PLEKHG3: variants seen among roughly 807,000 people sequenced by gnomAD.
PLEKHG3 encodes the protein pleckstrin homology domain-containing family G member 3.
PLEKHG3 carries 62 observed loss-of-function variants against 94.9 expected under a neutral mutation model. That is an observed-to-expected ratio of 0.65 (90% confidence interval 0.53 to 0.81). The LOEUF (loss-of-function observed/expected upper bound fraction) is 0.81. Ranked by LOEUF, PLEKHG3 falls within the 30% of genes least tolerant of loss-of-function variation. PLEKHG3 has a pLI of 0.00. For missense variants in PLEKHG3, 1,461 were observed against 1,619.3 expected, an observed-to-expected ratio of 0.90 and a Z score of 1.68; for synonymous variants, 614 against 654.0, an observed-to-expected ratio of 0.94 and a Z score of 0.93.
rs971365103 is a variant in PLEKHG3, at chr14:64,723,436, A to T, written c.-39-4157A>T. Among the ~76,000 whole-genome samples the T allele has an allele frequency of 4.6e-5, 7 of 152,190 alleles. No individual in the cohort carries two copies. The highest frequency in any genetic ancestry group is 3.9e-4 in the Admixed American group (6 of 15,286). On this transcript the variant is annotated intron_variant, in intron 1 of 16. Transcript: ENST00000247226. This position sits in a 1 kb window ranked among gnomAD's most constrained non-coding sequence, Gnocchi z 4.5. ...CAGAGGGAGACCCTGCCTCAAAAAA[A>T]GAGAAAAGTCTTTGGGGACCTGCTC...
chr14:64,732,136 C>G lies in PLEKHG3; in HGVS notation c.1167C>G (p.Ile389Met), dbSNP rs766246240. 3.7e-6 allele frequency: 6 copies of G among 1,614,066 alleles called. No individual in the cohort carries two copies. The South Asian group carries it at 5.5e-5, about 15-fold the overall frequency. ...VEEKRNWTHH[I>M]KRLILENHHA... ...AGAAACGGAACTGGACTCACCACAT[C>G]AAGAGGCTCATCCTAGAGAACCACC... Residue 389 changes from isoleucine (I) to methionine (M), a missense_variant, in exon 10 of 17, where the codon ATC (isoleucine) becomes ATG (methionine). Transcript: ENST00000247226. This position sits in a 1 kb window ranked among gnomAD's most constrained non-coding sequence, Gnocchi z 4.9.
Position 64,731,863 on chromosome 14 carries a change from G to T in PLEKHG3, c.1125+57G>T, listed in dbSNP as rs888253637. On this transcript the variant is annotated intron_variant, in intron 9 of 16. Transcript: ENST00000247226. The surrounding 1 kb of genome is among the most constrained non-coding windows in gnomAD (Gnocchi z 6.1). ...AACAAGATGCCCAGGGGACACCTGC[G>T]TGGGACTCCTGGCTCCTCTGCTCAC... The T allele has an allele frequency of 3.9e-5, 49 of 1,257,978 alleles. 1 individual carries two copies. The highest frequency in any genetic ancestry group is 3.7e-4 in the Middle Eastern group (2 of 5,380). The allele number at this position is 1,257,978 out of a possible 1,614,324, so 77.9% of individuals were successfully genotyped here.
rs1385167368 is a variant in PLEKHG3, at chr14:64,716,054, C to T, written c.-40+11350C>T. ...ATGCGGCTGCCCGGCCCCTCGCCAC[C>T]CTCGTGGTGCCCGGATGGGAGCTCT... On this transcript the variant is annotated intron_variant, in intron 1 of 16. Transcript: ENST00000247226. The surrounding 1 kb of genome is among the most constrained non-coding windows in gnomAD (Gnocchi z 5.0). 1 of 456,356 alleles carries T rather than the reference C, an allele frequency of 2.2e-6. No individual in the cohort carries two copies. The highest frequency in any genetic ancestry group is 4.4e-6 in the Non-Finnish European group (1 of 226,764). The allele number at this position is 456,356 out of a possible 1,614,324, so 28.3% of individuals were successfully genotyped here.
rs2081446027 is a variant in PLEKHG3 at position 64,730,895 on chromosome 14, C to G, written c.663C>G (p.Gly221=). Residue 221 remains glycine (G), a synonymous_variant, in exon 6 of 17, where the codon GGC becomes GGG. Coordinates refer to ENST00000247226, the MANE Select transcript of PLEKHG3 (RefSeq NM_001308147.2). The surrounding 1 kb of genome is among the most constrained non-coding windows in gnomAD (Gnocchi z 5.4). ...TGCTACAGCACTCGCTGCCCTTGGG[C>G]TCCTACCTGCTGAAGCCAGTCCAGC... is the stretch of plus-strand genomic sequence containing the variant. The part of the protein sequence containing the change: ...QELLQHSLPL[G]SYLLKPVQRI... The G allele has an allele frequency of 1.2e-6, 2 of 1,613,048 alleles. No homozygotes were observed. Among genetic ancestry groups the G allele is most frequent in the Admixed American group, 1.7e-5 (1 of 59,994 alleles).
Position 64,750,088 on chromosome 14 carries a change from G to T in PLEKHG3, c.*6385G>T. On this transcript the variant is annotated 3_prime_UTR_variant, in exon 17 of 17. Transcript: ENST00000247226. ...CATGGTAGGGCATCCCCAGGGCCAG[G>T]TTCTTGGCATCCTTGTAGAAGGTTA... The T allele has an allele frequency of 6.2e-7, 1 of 1,614,210 alleles. No homozygotes were observed. Among genetic ancestry groups the T allele is most frequent in the Non-Finnish European group, 8.5e-7 (1 of 1,180,032 alleles).
Position 64,715,852 on chromosome 14 carries a change from A to G in PLEKHG3, c.-40+11148A>G. 2 of 344,252 alleles carry G rather than the reference A, an allele frequency of 5.8e-6. No homozygotes were observed. Among genetic ancestry groups the G allele is most frequent in the South Asian group, 4.2e-5 (2 of 48,072 alleles). 21.3% of individuals were successfully genotyped at this position (344,252 alleles called of 1,614,324 possible). A position where few individuals can be genotyped will look rare whatever the true frequency, so the allele number is the denominator to read the frequency against. Reference sequence around the variant, plus strand: ...ATTTCCTGGGCTAGGGCCCCCCAGCAATCAGGAATGAGAGAAATGCAGAAA... The same window carrying G: ...ATTTCCTGGGCTAGGGCCCCCCAGCGATCAGGAATGAGAGAAATGCAGAAA... On this transcript the variant is annotated intron_variant, in intron 1 of 16. Coordinates refer to ENST00000247226, the MANE Select transcript of PLEKHG3 (RefSeq NM_001308147.2). The surrounding 1 kb of genome is among the most constrained non-coding windows in gnomAD (Gnocchi z 4.4).
rs773780096 is a variant in PLEKHG3 at position 64,743,216 on chromosome 14, C to T, written c.3173C>T (p.Ala1058Val). ...PDVRELCSKY[A>V]SRDEARRAGG... The stretch of plus-strand genomic sequence containing the variant: ...GTCCGTGAGCTCTGCTCCAAGTATG[C>T]CTCCCGCGATGAGGCACGCCGAGCA... The change falls in exon 17 of 17, where the codon GCC becomes GTC. Residue 1058 changes from alanine to valine, a missense_variant. Ala to Val is a moderately conservative substitution (Grantham distance 64). Transcript: ENST00000247226. The surrounding 1 kb of genome is among the most constrained non-coding windows in gnomAD (Gnocchi z 7.2). The T allele has an allele frequency of 1.2e-5, 20 of 1,609,196 alleles. No homozygotes were observed. The highest frequency in any genetic ancestry group is 1.4e-5 in the Non-Finnish European group (16 of 1,179,702).
In PLEKHG3 at chr14:64,739,498, G is replaced by T. The variant is rs1025046371; in HGVS notation, c.1518+643G>T. Among the ~76,000 whole-genome samples the T allele has an allele frequency of 1.3e-5, 2 of 152,178 alleles. No individual in the cohort carries two copies. Among genetic ancestry groups the T allele is most frequent in the Admixed American group, 1.3e-4 (2 of 15,284 alleles). On this transcript the variant is annotated intron_variant, in intron 15 of 16. Transcript: ENST00000247226. This position sits in a 1 kb window ranked among gnomAD's most constrained non-coding sequence, Gnocchi z 4.1. ...TTCCCAAAGTTATAAGGGAAAGATCGTGAGCTACAGCCTGGACCCCATGTT... is the reference window on the plus strand; with the variant it reads ...TTCCCAAAGTTATAAGGGAAAGATCTTGAGCTACAGCCTGGACCCCATGTT...
chr14:64,747,074 C>T lies in PLEKHG3; in HGVS notation c.*3371C>T, dbSNP rs897697214. ...GAATGGTCACATGCAGCTGGCTGCC[C>T]TGGACCAGGCCAGGGGACCTGGGGT... On this transcript the variant is annotated 3_prime_UTR_variant, in exon 17 of 17. Coordinates refer to ENST00000247226, the MANE Select transcript of PLEKHG3 (RefSeq NM_001308147.2). 6.6e-6 allele frequency: 1 copy of T among 152,630 alleles called. No homozygotes were observed. Among genetic ancestry groups the T allele is most frequent in the Non-Finnish European group, 1.5e-5 (1 of 68,080 alleles). 9.5% of individuals were successfully genotyped at this position (152,630 alleles called of 1,614,324 possible).
Position 64,717,995 on chromosome 14 carries a change from G to C in PLEKHG3, c.-39-9598G>C, listed in dbSNP as rs1397180567. ...GGCCTGCCTTGCAGCCTGGCCTCTT[G>C]TTGCCAGTTGCCCGGGGCGTGGGGG... On this transcript the variant is annotated intron_variant, in intron 1 of 16. Coordinates refer to ENST00000247226, the MANE Select transcript of PLEKHG3 (RefSeq NM_001308147.2). This position sits in a 1 kb window ranked among gnomAD's most constrained non-coding sequence, Gnocchi z 4.7. Among the ~76,000 whole-genome samples, 2 of 152,236 alleles carry C rather than the reference G, an allele frequency of 1.3e-5. No individual in the cohort carries two copies. Among genetic ancestry groups the C allele is most frequent in the Admixed American group, 1.3e-4 (2 of 15,282 alleles).
rs1289807288 is a variant in PLEKHG3 at position 64,748,439 on chromosome 14, G to C, written c.*4736G>C. ...ATTGAGAGGGAGAGCCTTAGGCAGT[G>C]TTGTGACGCACCTGTCACTCCTTCA... On this transcript the variant is annotated 3_prime_UTR_variant, in exon 17 of 17. Transcript: ENST00000247226. 2.0e-5 allele frequency: 3 copies of C among 152,288 alleles called. No homozygotes were observed. The highest frequency in any genetic ancestry group is 2.9e-5 in the Non-Finnish European group (2 of 68,126). 9.4% of individuals were successfully genotyped at this position (152,288 alleles called of 1,614,324 possible).
rs2081757413 is a variant in PLEKHG3 at position 64,743,290 on chromosome 14, C to A, written c.3247C>A (p.Pro1083Thr). 6.2e-7 allele frequency: 1 copy of A among 1,607,888 alleles called. No homozygotes were observed. Among genetic ancestry groups the A allele is most frequent in the Admixed American group, 1.7e-5 (1 of 59,844 alleles). Reference sequence around the variant, plus strand: ...ACCCGTCAACAGGAGCCACTCGGTGCCGGAGAACATGGTAGAGCCACCTCT... The same window carrying A: ...ACCCGTCAACAGGAGCCACTCGGTGACGGAGAACATGGTAGAGCCACCTCT... Reference protein sequence around the residue: ...GPPVNRSHSVPENMVEPPLSG... With the variant: ...GPPVNRSHSVTENMVEPPLSG... The change falls in exon 17 of 17, where the codon CCG (proline) becomes ACG (threonine). Residue 1083 changes from proline to threonine, a missense_variant. Transcript: ENST00000247226. The surrounding 1 kb of genome is among the most constrained non-coding windows in gnomAD (Gnocchi z 7.2).
In PLEKHG3 at chr14:64,730,659, C is replaced by T; in HGVS notation, c.537C>T (p.Ile179=). Residue 179 remains isoleucine (I), a synonymous_variant, in exon 5 of 17, where the codon ATC becomes ATT. Transcript: ENST00000247226. This position sits in a 1 kb window ranked among gnomAD's most constrained non-coding sequence, Gnocchi z 5.4. ...CFVERSQEFD[I]YTQYCNNYPN... ...CTTCTTAGAGCCAAGAGTTTGATATCTACACTCAGTATTGCAACAATTACC... is the reference window on the plus strand; with the variant it reads ...CTTCTTAGAGCCAAGAGTTTGATATTTACACTCAGTATTGCAACAATTACC... The T allele has an allele frequency of 6.2e-7, 1 of 1,612,860 alleles. No homozygotes were observed. Among genetic ancestry groups the T allele is most frequent in the Non-Finnish European group, 8.5e-7 (1 of 1,178,858 alleles).
rs1555359440 is a variant in PLEKHG3 at position 64,716,496 on chromosome 14, A to ACCACACACACAC, written c.-39-11097_-39-11096insCCACACACACAC. Among the ~76,000 whole-genome samples, 1 of 79,498 alleles carries ACCACACACACAC rather than the reference A, an allele frequency of 1.3e-5. No individual in the cohort carries two copies. The highest frequency in any genetic ancestry group is 5.1e-5 in the African/African-American group (1 of 19,598). 52.2% of individuals were successfully genotyped at this position (79,498 alleles called of 152,430 possible). A position where few individuals can be genotyped will look rare whatever the true frequency, so the allele number is the denominator to read the frequency against. ...ACACACACACAACACACACACACAC[A>ACCACACACACAC]ACACACACACACACACACACACACA... is the stretch of plus-strand genomic sequence containing the variant. On this transcript the variant is annotated intron_variant, in intron 1 of 16. Coordinates refer to ENST00000247226, the MANE Select transcript of PLEKHG3 (RefSeq NM_001308147.2). The surrounding 1 kb of genome is among the most constrained non-coding windows in gnomAD (Gnocchi z 5.0).
Position 64,739,215 on chromosome 14 carries a change from T to A in PLEKHG3, c.1518+360T>A, listed in dbSNP as rs2081636339. Among the ~76,000 whole-genome samples the A allele has an allele frequency of 6.6e-6, 1 of 152,196 alleles. No individual in the cohort carries two copies. The highest frequency in any genetic ancestry group is 1.5e-5 in the Non-Finnish European group (1 of 68,030). ...GCATGCCAGACATTGAAATCACACC[T>A]GTGGTCACCTGGGCAAAGGGTAGAG... On this transcript the variant is annotated intron_variant, in intron 15 of 16. Coordinates refer to ENST00000247226, the MANE Select transcript of PLEKHG3 (RefSeq NM_001308147.2). This position sits in a 1 kb window ranked among gnomAD's most constrained non-coding sequence, Gnocchi z 4.1.
At position 64,741,295 on chromosome 14, in the gene PLEKHG3, T is replaced by C. The variant is rs1274562302; in HGVS notation, c.1778T>C (p.Leu593Pro). Reference protein sequence around the residue: ...MGGAAQEPESLLPPSVLDQAS... With the variant: ...MGGAAQEPESPLPPSVLDQAS... ...GGTGCCGCCCAGGAGCCTGAGAGCC[T>C]TCTGCCACCCTCTGTGCTGGACCAG... is the stretch of plus-strand genomic sequence containing the variant. The change falls in exon 16 of 17, where the codon CTT becomes CCT. Residue 593 changes from leucine (L) to proline (P), a missense_variant. Leu to Pro is a moderately conservative substitution (Grantham distance 98). Around this residue, in one of 3 missense-constraint regions of PLEKHG3, gnomAD observed 1,201 missense variants for 1,295.5 expected, o/e 0.93. Transcript: ENST00000247226. The C allele has an allele frequency of 6.2e-7, 1 of 1,613,674 alleles. No individual in the cohort carries two copies. Among genetic ancestry groups the C allele is most frequent in the Non-Finnish European group, 8.5e-7 (1 of 1,180,034 alleles).
At chr14:64,737,523 G>T (rs2081595131) in intron 14 of PLEKHG3, 148 bp downstream of exon 14, 2 of 630,638 alleles carry the variant, frequency 3.2e-6, no homozygotes, top group Non-Finnish European at 5.6e-6. Flanking sequence ...GTGGCTTAGG[G>T]CCACAGAGAT....
intron 1 of PLEKHG3, among the ~76,000 whole-genome samples, chr14:64,705,991 G>A (rs1273536096): frequency 2.3e-4 from 35 of 152,184 alleles, no homozygotes; most frequent in Non-Finnish European, 1.5e-4. Context: ...TAGCTCCCTG[G>A]GTAACTTGCC....
intron 13 of PLEKHG3, 125 bp downstream of exon 13, chr14:64,737,016 C>CAGAATAG: frequency 1.3e-6 from 1 of 793,568 alleles, no homozygotes; most frequent in East Asian, 2.6e-5. Context: ...AGAGGGAACT[C>CAGAATAG]TGCCTCCATT....
Sources: allele counts gnomAD v4.1 joint callset (sites outside exome capture counted in the v4.1 genomes callset), GRCh38; gene constraint gnomAD v4.1.1; regional missense constraint gnomAD v4.1.1; non-coding constraint Gnocchi (gnomAD v3.1); transcripts MANE v1.5; gene names NCBI Gene and HGNC (gene_info 2026-07-23, HGNC 2026-07-21).